DHRS12: variants seen among roughly 807,000 people sequenced by gnomAD.
DHRS12 encodes dehydrogenase/reductase 12.
Under a neutral mutation model 32.1 loss-of-function variants are expected in DHRS12, and 29 were observed. The ratio of observed to expected loss-of-function variants is 0.90; its 90% CI spans 0.67 to 1.23. DHRS12 has a LOEUF of 1.23. DHRS12 is among the 50% of genes most tolerant of loss of function. The pLI is 0.00. For synonymous variants in DHRS12, 150 were observed against 135.9 expected (o/e 1.10, Z -0.72); for missense variants, 330 against 337.2 (o/e 0.98, Z 0.17).
intron 4 of DHRS12, among the ~76,000 whole-genome samples, chr13:51,780,741 G>A (rs1593529821): frequency 6.6e-6 from 1 of 152,166 alleles, no homozygotes; most frequent in African/African-American, 2.4e-5. Context: ...GAGAGATGCC[G>A]CGTGTTCTTA....
Position 51,778,786 on chromosome 13 carries a change from C to A in DHRS12, c.302-1665G>T, listed in dbSNP as rs190089215. On this transcript the variant is annotated intron_variant, in intron 4 of 8. Transcript: ENST00000444610. ...GGGCTGGCTGGGTCGCTTGTCCCTG[C>A]CAAGTACTCTCTCCTCTAGGGGACT... Among the ~76,000 whole-genome samples, 12 of 152,084 alleles carry A rather than the reference C, an allele frequency of 7.9e-5. No individual in the cohort carries two copies. The East Asian group carries it at 2.3e-3, about 29-fold the overall frequency.
chr13:51,800,567 A>G (rs1029722772), intron 1 of DHRS12, among the ~76,000 whole-genome samples: 1 of 152,210 alleles, frequency 6.6e-6, no homozygotes, highest in East Asian at 1.9e-4. Context: ...CTCCTGGGCA[A>G]TGCAGGATGG....
chr13:51,778,502 C>T (rs969838077), intron 4 of DHRS12, among the ~76,000 whole-genome samples: 7 of 152,262 alleles, frequency 4.6e-5, no homozygotes, highest in East Asian at 3.9e-4. Context: ...TATTCACCGC[C>T]GGTGGCTTTC....
chr13:51,771,653 T>A (rs1954023252), intron 7 of DHRS12, among the ~76,000 whole-genome samples, 168 bp downstream of exon 7: 1 of 152,210 alleles, frequency 6.6e-6, no homozygotes, highest in Non-Finnish European at 1.5e-5. Flanking sequence ...TGTATGAGGC[T>A]TCCCCCAGCT....
intron 4 of DHRS12, among the ~76,000 whole-genome samples, chr13:51,784,627 G>A (rs753536548): frequency 6.6e-6 from 1 of 152,198 alleles, no homozygotes; most frequent in Non-Finnish European, 1.5e-5. Flanking sequence ...AGGTTTGTGA[G>A]CTGGAAGGAG....
intron 4 of DHRS12, chr13:51,789,750 T>C (rs758417775): frequency 7.1e-6 from 7 of 985,252 alleles, no homozygotes; most frequent in Non-Finnish European, 8.4e-6. Flanking sequence ...TTCAAAACAA[T>C]GTCTATAAAC....
chr13:51,802,169 TCACACACACACACACACACACACACA>T (rs56270918), intron 1 of DHRS12, among the ~76,000 whole-genome samples: 8 of 139,782 alleles, frequency 5.7e-5, no homozygotes, highest in South Asian at 2.5e-4. Flanking sequence ...TCTCTATTTT[TCACACACACACACACACACACACACA>T]CACACACACA....
chr13:51,785,537 G>C (rs1954915633), intron 4 of DHRS12, among the ~76,000 whole-genome samples: 1 of 152,166 alleles, frequency 6.6e-6, no homozygotes, highest in Non-Finnish European at 1.5e-5. Flanking sequence ...AAGGGGCTTG[G>C]ATGCAAGCAG....
intron 2 of DHRS12, chr13:51,797,766 C>G: frequency 6.7e-7 from 1 of 1,501,062 alleles, no homozygotes; most frequent in South Asian, 1.2e-5. Flanking sequence ...GGAGTCCAGC[C>G]TCCTCACAGC....
intron 1 of DHRS12, among the ~76,000 whole-genome samples, chr13:51,802,169 TCACACACACA>T (rs56270918): frequency 0.17 from 24,050 of 139,728 alleles, 2,293 homozygotes; most frequent in Middle Eastern, 0.21. Flanking sequence ...TCTCTATTTT[TCACACACACA>T]CACACACACA....
intron 7 of DHRS12, chr13:51,771,278 A>G: frequency 3.2e-6 from 5 of 1,555,040 alleles, no homozygotes; most frequent in South Asian, 1.2e-5. Context: ...AGCTGCAGAG[A>G]GCCCAGGTGA....
At chr13:51,757,787 G>C in the DHRS12 span, among the ~76,000 whole-genome samples, 1 of 151,412 alleles carries the variant, frequency 6.6e-6, no homozygotes, top group South Asian at 2.1e-4. Context: ...TTTCCTATTA[G>C]AATGACACTT....
chr13:51,756,928 T>G, the DHRS12 span, among the ~76,000 whole-genome samples: 1 of 152,210 alleles, frequency 6.6e-6, no homozygotes, highest in Non-Finnish European at 1.5e-5. Context: ...AGCTGGCTGC[T>G]TGTCAGACCT....
At chr13:51,771,596 C>A in intron 7 of DHRS12, 1 of 1,535,310 alleles carries the variant, frequency 6.5e-7, no homozygotes, top group Admixed American at 1.9e-5. Flanking sequence ...CCCACCATCT[C>A]CTTCCCTGAC....
At chr13:51,758,942 G>C in the DHRS12 span, among the ~76,000 whole-genome samples, 2 of 152,170 alleles carry the variant, frequency 1.3e-5, no homozygotes, top group Non-Finnish European at 2.9e-5. Context: ...CCAGCCCTTT[G>C]GGAGGTGAGA....
intron 1 of DHRS12, among the ~76,000 whole-genome samples, chr13:51,800,112 A>T (rs1566311299): frequency 6.6e-6 from 1 of 152,140 alleles, no homozygotes; most frequent in African/African-American, 2.4e-5. Context: ...AGTAGGGAAT[A>T]AAGGAGGAGG....
At chr13:51,771,638 GTGTC>G (rs1954022295) in intron 7 of DHRS12, 179 bp downstream of exon 7, 1 of 1,422,250 alleles carries the variant, frequency 7.0e-7, no homozygotes, top group Admixed American at 2.1e-5. Flanking sequence ...CAAAAGCTCT[GTGTC>G]TGTATGAGGC....
At chr13:51,769,903 C>T (rs1396248428) in intron 7 of DHRS12, among the ~76,000 whole-genome samples, 1 of 152,228 alleles carries the variant, frequency 6.6e-6, no homozygotes, top group Non-Finnish European at 1.5e-5. Context: ...GGCACTCTAC[C>T]TGCCCACGCC....
At chr13:51,765,886 G>GTATC, downstream of DHRS12, 1 of 152,234 alleles carries the variant, frequency 6.6e-6, no homozygotes, top group Non-Finnish European at 1.5e-5. Flanking sequence ...GTCAAGAAGA[G>GTATC]TATCTGACTT....
Sources: gnomAD v4.1 joint callset for allele counts (sites outside exome capture counted in the v4.1 genomes callset) on GRCh38, gnomAD v4.1.1 for gene constraint, MANE v1.5 for transcripts, NCBI Gene and HGNC (gene_info 2026-07-23, HGNC 2026-07-21) for gene names.